CHRNB4: variants seen among roughly 807,000 people sequenced by gnomAD.
CHRNB4 encodes neuronal acetylcholine receptor subunit beta-4.
CHRNB4 carries 23 observed loss-of-function variants against 40.4 expected under a neutral mutation model. That is an observed-to-expected ratio of 0.57 (90% CI 0.41 to 0.81). The LOEUF (loss-of-function observed/expected upper bound fraction) is 0.81, where lower values mean the gene tolerates loss of function less well. CHRNB4 is among the 30% of genes least tolerant of loss of function. The pLI is 0.00. For synonymous variants in CHRNB4, 285 were observed against 274.4 expected, an observed-to-expected ratio of 1.04 and a Z score of -0.38; for missense variants, 568 against 670.6, an observed-to-expected ratio of 0.85 and a Z score of 1.69.
chr15:78,641,014 T>G, intron 1 of CHRNB4, 65 bp downstream of exon 1: 1 of 1,504,018 alleles, frequency 6.6e-7, no homozygotes. Context: ...CTCCCACCTG[T>G]GGCCAGTCCA....
intron 2 of CHRNB4, 53 bp from the exon 3 acceptor site, chr15:78,631,385 T>G: frequency 6.4e-7 from 1 of 1,574,404 alleles, no homozygotes; most frequent in Non-Finnish European, 8.7e-7. Flanking sequence ...GCCTCACAAA[T>G]GGATTGCACT....
intron 7 of CHRNB4, among the ~76,000 whole-genome samples, chr15:78,649,156 C>T (rs1410753376): frequency 6.6e-6 from 1 of 152,044 alleles, no homozygotes; most frequent in Non-Finnish European, 1.5e-5. Context: ...CCAACTGCTG[C>T]TGGGGATGTA....
chr15:78,654,947 T>TC (rs1431490416), intron 5 of CHRNB4, among the ~76,000 whole-genome samples: 1 of 151,980 alleles, frequency 6.6e-6, no homozygotes, highest in Non-Finnish European at 1.5e-5. Context: ...TTTAAGAGTT[T>TC]CCCCCCACCC....
At chr15:78,627,583 A>G (rs1345890559) in intron 5 of CHRNB4, 1 of 152,160 alleles carries the variant, frequency 6.6e-6, no homozygotes, top group Non-Finnish European at 1.5e-5. Context: ...TGAGACGTCC[A>G]CTTTTGTCCA....
chr15:78,645,943 C>A (rs919756318), upstream of CHRNB4, among the ~76,000 whole-genome samples: 2 of 151,696 alleles, frequency 1.3e-5, no homozygotes, highest in Non-Finnish European at 2.9e-5. Flanking sequence ...ACCTGTAGTC[C>A]CAGCTACTTG....
At position 78,629,921 on chromosome 15, in the gene CHRNB4, A is replaced by G; in HGVS notation, c.384T>C (p.Ser128=). 6.2e-7 allele frequency: 1 copy of G among 1,602,278 alleles called. No individual in the cohort carries two copies. The highest frequency in any genetic ancestry group is 8.5e-7 in the Non-Finnish European group (1 of 1,175,626). Residue 128 remains serine, a synonymous_variant, in exon 5 of 6, where the codon TCT becomes TCC. Transcript: ENST00000261751. The surrounding 1 kb of genome is among the most constrained non-coding windows in gnomAD (Gnocchi z 6.8). ...ACCGGACTATCAAGTTGGTGTAGAC[A>G]GACACCTCATAGGTCCCGTCGGCGC... ...YNNADGTYEV[S]VYTNLIVRSN...
intron 5 of CHRNB4, among the ~76,000 whole-genome samples, chr15:78,654,342 C>A (rs1452468323): frequency 6.6e-6 from 1 of 152,164 alleles, no homozygotes; most frequent in African/African-American, 2.4e-5. Context: ...GAAGTATTTT[C>A]AATGGAGACA....
chr15:78,656,667 T>C (rs943306373), exon 4 of CHRNB4: 2 of 152,180 alleles, frequency 1.3e-5, no homozygotes, highest in African/African-American at 4.8e-5. Context: ...TGGCAAACGC[T>C]GTAGAAGATA....
upstream of CHRNB4, among the ~76,000 whole-genome samples, chr15:78,644,047 C>T (rs1325866031): frequency 6.7e-6 from 1 of 150,278 alleles, no homozygotes; most frequent in Non-Finnish European, 1.5e-5. Flanking sequence ...CCTGTAGTTC[C>T]AGCTACTTGG....
chr15:78,631,051 G>C, intron 4 of CHRNB4, 25 bp downstream of exon 4: 2 of 1,592,998 alleles, frequency 1.3e-6, no homozygotes, highest in Non-Finnish European at 1.7e-6. Context: ...GCTGTCACCA[G>C]GCCTCCACCA....
At chr15:78,628,882 A>T in intron 5 of CHRNB4, 85 bp downstream of exon 5, 1 of 1,495,068 alleles carries the variant, frequency 6.7e-7, no homozygotes, top group Non-Finnish European at 9.0e-7. Context: ...GTCTCCTATG[A>T]ATTAACTGCA....
chr15:78,644,810 T>C (rs1567136331), upstream of CHRNB4, among the ~76,000 whole-genome samples: 1 of 152,158 alleles, frequency 6.6e-6, no homozygotes, highest in African/African-American at 2.4e-5. Flanking sequence ...GATTCTAAAA[T>C]TCATGTAGTA....
At chr15:78,625,631 T>A (rs1356222994) in intron 5 of CHRNB4, among the ~76,000 whole-genome samples, 1 of 152,142 alleles carries the variant, frequency 6.6e-6, no homozygotes, top group Admixed American at 6.5e-5. Flanking sequence ...GGCCTGAGGA[T>A]CTCAAAGCCC....
chr15:78,640,826 G>A (rs2054055416), intron 1 of CHRNB4, among the ~76,000 whole-genome samples: 1 of 152,194 alleles, frequency 6.6e-6, no homozygotes, highest in South Asian at 2.1e-4. Flanking sequence ...CGCCCTGGAG[G>A]GTGGCCCTGG....
At chr15:78,628,343 GCCTGTGTTC>G (rs2053707773) in intron 5 of CHRNB4, 1 of 152,726 alleles carries the variant, frequency 6.5e-6, no homozygotes, top group South Asian at 2.1e-4. Flanking sequence ...ACCCCAGCCC[GCCTGTGTTC>G]CCTAAAGCCT....
At chr15:78,630,014 C>A in intron 4 of CHRNB4, 69 bp from the exon 5 acceptor site, 1 of 1,465,140 alleles carries the variant, frequency 6.8e-7, no homozygotes. Flanking sequence ...TCTCAGAACT[C>A]ACTGAAGAGC....
intron 5 of CHRNB4, among the ~76,000 whole-genome samples, chr15:78,628,561 G>A (rs2053714410): frequency 6.6e-6 from 1 of 152,106 alleles, no homozygotes; most frequent in Admixed American, 6.5e-5. Flanking sequence ...TCCTTCCAGG[G>A]GGGTGATCCT....
At position 78,650,677 on chromosome 15, in the gene CHRNB4, G is replaced by A. The variant is rs146519820; in HGVS notation, c.-15-1238C>T. Reference sequence around the variant, plus strand: ...TTGCTGTCTGAAGGTGGCCGTGGCCGCAAGTGGTGTCACTGGCCAGGTCTA... The same window carrying A: ...TTGCTGTCTGAAGGTGGCCGTGGCCACAAGTGGTGTCACTGGCCAGGTCTA... On this transcript the variant is annotated intron_variant and NMD_transcript_variant, in intron 6 of 11. Coordinates refer to the CHRNB4 transcript ENST00000559849. Among the ~76,000 whole-genome samples, 139 of 152,340 alleles carry A rather than the reference G, an allele frequency of 9.1e-4. 2 individuals are homozygous for A. In the East Asian group the frequency reaches 0.022, roughly 24 times the overall value.
chr15:78,650,528 G>C lies in CHRNB4; in HGVS notation c.-15-1089C>G, dbSNP rs534776513. On this transcript the variant is annotated intron_variant and NMD_transcript_variant, in intron 6 of 11. Coordinates refer to the CHRNB4 transcript ENST00000559849. ...ATTCCTGGCTTTTCACCCCCAACCT[G>C]AACTGCCTTTCTCTGGCTTCCCCAT... 9.2e-5 allele frequency among the ~76,000 whole-genome samples: 14 copies of C among 152,294 alleles called. No homozygotes were observed. The South Asian group carries it at 1.7e-3, about 18-fold the overall frequency.
Sources: allele counts gnomAD v4.1 joint callset (sites outside exome capture counted in the v4.1 genomes callset), GRCh38; gene constraint gnomAD v4.1.1; non-coding constraint Gnocchi (gnomAD v3.1); transcripts MANE v1.5; gene names NCBI Gene and HGNC (gene_info 2026-07-23, HGNC 2026-07-21).